P2RX1: variants seen among roughly 807,000 people sequenced by gnomAD.
The protein encoded by P2RX1 is purinergic receptor P2X 1, also known as P2X purinoceptor 1.
In P2RX1, 42 loss-of-function variants were observed where a neutral mutation model predicts 50.3. The observed-to-expected ratio is 0.83, with a 90% CI of 0.65 to 1.08. The LOEUF (loss-of-function observed/expected upper bound fraction) is 1.08. P2RX1 is among the 50% of genes least tolerant of loss of function. The pLI, the probability that P2RX1 is intolerant of heterozygous loss-of-function variation, is 0.00. For synonymous variants in P2RX1, 199 were observed against 202.6 expected (o/e 0.98, Z 0.15); for missense variants, 449 against 529.0 (o/e 0.85, Z 1.48).
chr17:3,898,900 C>A, intron 9 of P2RX1, 34 bp downstream of exon 9: 1 of 1,546,390 alleles, frequency 6.5e-7, no homozygotes, highest in Non-Finnish European at 8.9e-7. Context: ...GAGAATGTGT[C>A]TCAGCTGCCA....
intron 1 of P2RX1, among the ~76,000 whole-genome samples, chr17:3,912,040 C>T (rs1455460097): frequency 2.0e-5 from 3 of 152,352 alleles, no homozygotes; most frequent in African/African-American, 7.2e-5. Context: ...TAGCTTGGAG[C>T]TGCTGGTGGC....
rs941745713 is a variant in P2RX1, at chr17:3,914,586, G to A, written c.137+1503C>T. Among the ~76,000 whole-genome samples, 6 of 152,200 alleles carry A rather than the reference G, an allele frequency of 3.9e-5. No homozygotes were observed. The highest frequency in any genetic ancestry group is 4.1e-4 in the South Asian group (2 of 4,838). On this transcript the variant is annotated intron_variant, in intron 1 of 11. Transcript: ENST00000225538. The surrounding 1 kb of genome is among the most constrained non-coding windows in gnomAD (Gnocchi z 4.1). Reference sequence around the variant, plus strand: ...CTTCCAGCAAGGGTAGGCTGGGCCTGCGCAGACAGCCTCTCCCAGGGACGG... The same window carrying A: ...CTTCCAGCAAGGGTAGGCTGGGCCTACGCAGACAGCCTCTCCCAGGGACGG...
intron 1 of P2RX1, chr17:3,915,314 A>C (rs1385536312): frequency 5.2e-6 from 2 of 383,236 alleles, no homozygotes; most frequent in Non-Finnish European, 1.0e-5. Context: ...AAGGGTACCC[A>C]CATGTGGGCA....
intron 1 of P2RX1, among the ~76,000 whole-genome samples, chr17:3,911,327 G>A (rs1483496518): frequency 6.6e-6 from 1 of 151,056 alleles, no homozygotes; most frequent in Admixed American, 6.6e-5. Context: ...TTTTGAATAC[G>A]TCACCAATCT....
In P2RX1 at chr17:3,903,760, G is replaced by C; in HGVS notation, c.525-129C>G. Reference sequence around the variant, plus strand: ...CCTGCAGCCCTGGGCTGGTGGAGGGGTGGGTGTGCTCTAGCGTGGCCAGGA... The same window carrying C: ...CCTGCAGCCCTGGGCTGGTGGAGGGCTGGGTGTGCTCTAGCGTGGCCAGGA... On this transcript the variant is annotated intron_variant, in intron 5 of 11. Transcript: ENST00000225538. This position sits in a 1 kb window ranked among gnomAD's most constrained non-coding sequence, Gnocchi z 4.6. The C allele has an allele frequency of 8.8e-7, 1 of 1,141,810 alleles. No individual in the cohort carries two copies. Among genetic ancestry groups the C allele is most frequent in the South Asian group, 1.2e-5 (1 of 80,094 alleles). 70.7% of individuals were successfully genotyped at this position (1,141,810 alleles called of 1,614,324 possible).
rs1597518779 is a variant in P2RX1 at position 3,905,143 on chromosome 17, C to T, written c.285+77G>A. ...AGAAAGAGGAGCTGGGCTGGTCCCA[C>T]AGGGACGTGGGACAGAGTCCCACCC... On this transcript the variant is annotated intron_variant, in intron 2 of 11. Coordinates refer to ENST00000225538, the MANE Select transcript of P2RX1 (RefSeq NM_002558.4). 3 of 1,570,188 alleles carry T rather than the reference C, an allele frequency of 1.9e-6. No homozygotes were observed. The East Asian group carries it at 6.8e-5, about 36-fold the overall frequency.
chr17:3,915,683 G>T (rs1322053153), intron 1 of P2RX1: 1 of 464,234 alleles, frequency 2.2e-6, no homozygotes. Context: ...TCTCTAACTT[G>T]TCATATGGGG....
intron 11 of P2RX1, 27 bp downstream of exon 11, chr17:3,897,982 A>C (rs888685761): frequency 1.2e-6 from 2 of 1,612,270 alleles, no homozygotes; most frequent in Non-Finnish European, 1.7e-6. Context: ...AGGCCTTCGA[A>C]GGGCCTGGCT....
chr17:3,903,294 A>G lies in P2RX1; in HGVS notation c.655T>C (p.Phe219Leu), dbSNP rs1056342063. The change falls in exon 7 of 12, where the codon TTT (phenylalanine) becomes CTT (leucine). Residue 219 changes from phenylalanine to leucine, a missense_variant. Transcript: ENST00000225538. The surrounding 1 kb of genome is among the most constrained non-coding windows in gnomAD (Gnocchi z 4.6). ...VNAAHMKTCL[F>L]HKTLHPLCPV... ...CACAGGGGGTGCAGGGTCTTGTGAA[A>G]GAGGCAGGTCTTCATGTGGGCAGCA... The G allele has an allele frequency of 7.4e-6, 12 of 1,614,026 alleles. No individual in the cohort carries two copies. The African/African-American group carries it at 1.3e-4, about 18-fold the overall frequency.
At chr17:3,906,132 G>T (rs1054484644) in intron 1 of P2RX1, among the ~76,000 whole-genome samples, 1 of 152,104 alleles carries the variant, frequency 6.6e-6, no homozygotes, top group East Asian at 1.9e-4. Flanking sequence ...GAATAATAAC[G>T]GTACTTCTTT....
At chr17:3,904,629 G>T (rs2056224834) in intron 3 of P2RX1, 1 of 628,452 alleles carries the variant, frequency 1.6e-6, no homozygotes, top group East Asian at 2.7e-5. Flanking sequence ...GGGCGGTGGG[G>T]GTGGGCACGA....
intron 1 of P2RX1, chr17:3,915,543 G>A (rs1170160934): frequency 2.2e-6 from 1 of 456,530 alleles, no homozygotes; most frequent in East Asian, 6.9e-5. Context: ...ACCAATCTCT[G>A]TCCTCCGCCT....
intron 3 of P2RX1, 149 bp downstream of exon 3, chr17:3,904,709 G>T: frequency 2.9e-6 from 2 of 679,326 alleles, no homozygotes; most frequent in Non-Finnish European, 5.3e-6. Flanking sequence ...GTTGACAGTT[G>T]CTGTGTGTGA....
chr17:3,915,232 C>T, intron 1 of P2RX1: 1 of 355,838 alleles, frequency 2.8e-6, no homozygotes. Flanking sequence ...ATGCACCACA[C>T]ACAGGGGACA....
At chr17:3,913,765 A>G (rs2056403251) in intron 1 of P2RX1, among the ~76,000 whole-genome samples, 1 of 152,056 alleles carries the variant, frequency 6.6e-6, no homozygotes, top group African/African-American at 2.4e-5. Context: ...CTCTTCTCTC[A>G]TGCTCCTTTC....
chr17:3,905,646 G>A (rs2056249113), intron 1 of P2RX1, among the ~76,000 whole-genome samples: 3 of 152,166 alleles, frequency 2.0e-5, no homozygotes, highest in Non-Finnish European at 4.4e-5. Flanking sequence ...TCAGGAATTT[G>A]AGACCAGCTT....
In P2RX1 at chr17:3,903,730, AC is replaced by A. The variant is rs1567652281; in HGVS notation, c.525-100del. ...GCAGGGGGTGGGCCGAGCCTCCGGG[AC>A]CCGCCTGCAGCCCTGGGCTGGTGGA... is the stretch of plus-strand genomic sequence containing the variant. On this transcript the variant is annotated intron_variant, in intron 5 of 11. Coordinates refer to ENST00000225538, the MANE Select transcript of P2RX1 (RefSeq NM_002558.4). This position sits in a 1 kb window ranked among gnomAD's most constrained non-coding sequence, Gnocchi z 4.6. The A allele has an allele frequency of 1.5e-6, 2 of 1,324,066 alleles. No individual in the cohort carries two copies. The highest frequency in any genetic ancestry group is 2.9e-5 in the African/African-American group (2 of 69,254). The allele number at this position is 1,324,066 out of a possible 1,614,324, so 82.0% of individuals were successfully genotyped here. A position where few individuals can be genotyped will look rare whatever the true frequency, so the allele number is the denominator to read the frequency against.
At chr17:3,904,726 G>A (rs1303436482) in intron 3 of P2RX1, 132 bp downstream of exon 3, 5 of 718,506 alleles carry the variant, frequency 7.0e-6, no homozygotes, top group East Asian at 5.4e-5. Context: ...GTGAATATGC[G>A]CCCAAATTTC....
At position 3,897,753 on chromosome 17, in the gene P2RX1, C is replaced by A; in HGVS notation, c.*61G>T. On this transcript the variant is annotated 3_prime_UTR_variant, in exon 12 of 12. Coordinates refer to ENST00000225538, the MANE Select transcript of P2RX1 (RefSeq NM_002558.4). ...GGAGGCCCCTCTGCCCTGGCTGGGA[C>A]CCACCAGGGCTCCAGGCTGAAGCCT... The A allele has an allele frequency of 6.6e-7, 1 of 1,516,406 alleles. No individual in the cohort carries two copies. Among genetic ancestry groups the A allele is most frequent in the Non-Finnish European group, 9.1e-7 (1 of 1,100,180 alleles). The allele number at this position is 1,516,406 out of a possible 1,614,324, so 93.9% of individuals were successfully genotyped here.
Sources: allele counts gnomAD v4.1 joint callset (sites outside exome capture counted in the v4.1 genomes callset), GRCh38; gene constraint gnomAD v4.1.1; non-coding constraint Gnocchi (gnomAD v3.1); transcripts MANE v1.5; gene names NCBI Gene and HGNC (gene_info 2026-07-23, HGNC 2026-07-21).